The following TRIP12 variants were observed in gnomAD, a reference collection of about 807,000 sequenced individuals.
TRIP12 encodes thyroid hormone receptor interactor 12.
In TRIP12, 25 loss-of-function variants were observed where a neutral mutation model predicts 244.2. That is an observed-to-expected ratio of 0.10 (90% confidence interval 0.07 to 0.14). The LOEUF (loss-of-function observed/expected upper bound fraction) is 0.14, where lower values mean the gene tolerates loss of function less well. Among genes scored for constraint, TRIP12 ranks in the 10% least tolerant of loss-of-function variants. The pLI is 1.00. For synonymous variants in TRIP12, 905 were observed against 873.1 expected (o/e 1.04, Z -0.64); for missense variants, 1,677 against 2,486.4 (o/e 0.67, Z 6.92).
At chr2:229,861,417 T>G (rs1194361409) in intron 2 of TRIP12, among the ~76,000 whole-genome samples, 2 of 152,190 alleles carry the variant, frequency 1.3e-5, no homozygotes, top group African/African-American at 4.8e-5. Context: ...GGTGAGATAT[T>G]AATGTAACAA....
intron 36 of TRIP12, among the ~76,000 whole-genome samples, chr2:229,777,703 T>G (rs2036721490): frequency 6.6e-6 from 1 of 152,094 alleles, no homozygotes; most frequent in African/African-American, 2.4e-5. Flanking sequence ...AATATCCCAA[T>G]GCAAAAAATG....
chr2:229,920,459 G>A (rs1339767861), intron 1 of TRIP12, among the ~76,000 whole-genome samples: 1 of 151,846 alleles, frequency 6.6e-6, no homozygotes, highest in African/African-American at 2.4e-5. Context: ...GCTATTAACC[G>A]TACCCGCCTC....
At chr2:229,922,242 G>C (rs2076724630), upstream of TRIP12, 2 of 438,588 alleles carry the variant, frequency 4.6e-6, no homozygotes, top group Admixed American at 3.8e-5. Context: ...GGGGACTGTG[G>C]AGATCTACTT....
intron 23 of TRIP12, 42 bp from the exon 24 acceptor site, chr2:229,797,873 T>C (rs199905103): frequency 1.6e-5 from 25 of 1,593,004 alleles, no homozygotes; most frequent in Admixed American, 5.1e-5. Context: ...CCAGTGTATG[T>C]AGAAAGGATA....
At chr2:229,909,479 G>A (rs2073816436) in intron 1 of TRIP12, among the ~76,000 whole-genome samples, 3 of 151,758 alleles carry the variant, frequency 2.0e-5, no homozygotes, top group Admixed American at 6.6e-5. Flanking sequence ...GATCGCTTGA[G>A]CCCAGGAGGT....
At chr2:229,914,034 G>A (rs189451239) in intron 1 of TRIP12, among the ~76,000 whole-genome samples, 13 of 152,074 alleles carry the variant, frequency 8.5e-5, no homozygotes, top group Admixed American at 2.0e-4. Context: ...TTGGGAAGCC[G>A]AGGTGGGTGG....
At chr2:229,873,911 C>G (rs1258554969) in intron 2 of TRIP12, among the ~76,000 whole-genome samples, 3 of 151,858 alleles carry the variant, frequency 2.0e-5, no homozygotes, top group Admixed American at 6.6e-5. Flanking sequence ...CAGACAGATT[C>G]TAGTCAGATG....
chr2:229,847,785 C>A (rs879889480), intron 4 of TRIP12, among the ~76,000 whole-genome samples: 2 of 152,208 alleles, frequency 1.3e-5, no homozygotes, highest in Admixed American at 1.3e-4. Context: ...GATCCTCTCC[C>A]ACACTTGTAC....
At position 229,810,852 on chromosome 2, in the gene TRIP12, T is replaced by C. The variant is rs77688402; in HGVS notation, c.2221+28A>G. 1.4e-3 allele frequency: 2,241 copies of C among 1,608,380 alleles called. 29 individuals are homozygous for C. In the African/African-American group the frequency reaches 0.024, roughly 17 times the overall value. On this transcript the variant is annotated intron_variant, in intron 15 of 41. Coordinates refer to ENST00000675903, the MANE Select transcript of TRIP12 (RefSeq NM_001348323.3). ...TAATGAAGAACCAACTTTTCCTGCT[T>C]AAAGTAGAACAGTAAATTTGCACTT...
intron 9 of TRIP12, 104 bp downstream of exon 9, chr2:229,818,257 TATC>T (rs746822125): frequency 9.7e-6 from 12 of 1,236,848 alleles, no homozygotes; most frequent in Non-Finnish European, 1.4e-5. Context: ...CTCTTAACTC[TATC>T]ATGTTTTAAA....
intron 2 of TRIP12, among the ~76,000 whole-genome samples, chr2:229,863,147 T>C (rs1382468012): frequency 6.6e-6 from 1 of 150,930 alleles, no homozygotes; most frequent in Non-Finnish European, 1.5e-5. Flanking sequence ...AAGAATTGCT[T>C]GAACCCAGGA....
Position 229,808,319 on chromosome 2 carries a change from A to C in TRIP12, c.2272T>G (p.Cys758Gly), listed in dbSNP as rs763363707. Residue 758 changes from cysteine to glycine, a missense_variant, in exon 16 of 42, where the codon TGT becomes GGT. Physicochemically the swap from Cys to Gly is radical, Grantham distance 159. Coordinates refer to ENST00000675903, the MANE Select transcript of TRIP12 (RefSeq NM_001348323.3). ...FLLCGASNGS[C>G]QEQIDLVPRS... ...GGAACAAGATCAATCTGTTCCTGAC[A>C]ACTTCCATTGGAGGCACCACACAGG... The C allele has an allele frequency of 6.2e-7, 1 of 1,613,938 alleles. No homozygotes were observed. The highest frequency in any genetic ancestry group is 1.3e-5 in the African/African-American group (1 of 75,046).
At chr2:229,838,989 G>T (rs1276726337) in intron 5 of TRIP12, among the ~76,000 whole-genome samples, 2 of 152,162 alleles carry the variant, frequency 1.3e-5, no homozygotes, top group African/African-American at 2.4e-5. Context: ...GTGGGAAAAC[G>T]TAAGCTAAAA....
chr2:229,802,014 A>G (rs1362231954), intron 21 of TRIP12, among the ~76,000 whole-genome samples: 3 of 152,204 alleles, frequency 2.0e-5, no homozygotes, highest in Non-Finnish European at 4.4e-5. Flanking sequence ...ATGTCTCTGA[A>G]CTTTAGTTTC....
At position 229,788,781 on chromosome 2, in the gene TRIP12, A is replaced by G. The variant is rs774284222; in HGVS notation, c.4838+17T>C. ...GTAACATTTCCAAGGCCACCATTAC[A>G]GAAGTGATTGTCTTACCAGGTTTTT... On this transcript the variant is annotated intron_variant, in intron 32 of 41. Transcript: ENST00000675903. The G allele has an allele frequency of 1.9e-6, 3 of 1,610,344 alleles. No individual in the cohort carries two copies. The highest frequency in any genetic ancestry group is 2.2e-5 in the South Asian group (2 of 89,616).
At chr2:229,807,984 G>A in intron 16 of TRIP12, 120 bp from the exon 17 acceptor site, 1 of 1,104,748 alleles carries the variant, frequency 9.1e-7, no homozygotes, top group Non-Finnish European at 1.3e-6. Flanking sequence ...TTTTTTTTTG[G>A]AGACAGAGTC....
chr2:229,843,687 T>A (rs1401458206), intron 4 of TRIP12, among the ~76,000 whole-genome samples: 1 of 152,118 alleles, frequency 6.6e-6, no homozygotes, highest in Non-Finnish European at 1.5e-5. Context: ...GAGACCAGCA[T>A]CAACAACACT....
At chr2:229,854,052 TTTC>T (rs1241311035) in intron 4 of TRIP12, among the ~76,000 whole-genome samples, 3 of 152,230 alleles carry the variant, frequency 2.0e-5, no homozygotes, top group African/African-American at 7.2e-5. Context: ...TAGTTTTGAC[TTTC>T]TTGTGTAAAT....
chr2:229,864,041 A>AGTGTGT (rs1255228627), intron 2 of TRIP12, among the ~76,000 whole-genome samples: 1 of 71,680 alleles, frequency 1.4e-5, no homozygotes, highest in African/African-American at 5.3e-5. Context: ...AGAGAGAGAG[A>AGTGTGT]GAGAGAGTGT....
Sources: allele counts gnomAD v4.1 joint callset (sites outside exome capture counted in the v4.1 genomes callset), GRCh38; gene constraint gnomAD v4.1.1; transcripts MANE v1.5; gene names NCBI Gene and HGNC (gene_info 2026-07-23, HGNC 2026-07-21).